The following ANK3 variants were observed in gnomAD, a reference collection of about 807,000 sequenced individuals.
ANK3 encodes the protein ankyrin-3.
A neutral mutation model predicts 370.9 loss-of-function variants in ANK3; 57 were observed. The observed-to-expected ratio is 0.15, with a 90% confidence interval of 0.12 to 0.19. The LOEUF (loss-of-function observed/expected upper bound fraction) is 0.19. ANK3 is among the 10% of genes least tolerant of loss of function. ANK3 has a pLI of 1.00. For synonymous variants in ANK3, 1,929 were observed against 1,946.3 expected, an observed-to-expected ratio of 0.99 and a Z score of 0.23; for missense variants, 4,439 against 5,302.1, an observed-to-expected ratio of 0.84 and a Z score of 5.06.
intron 23 of ANK3, among the ~76,000 whole-genome samples, chr10:60,161,784 GT>G (rs2095507495): frequency 6.6e-6 from 1 of 152,238 alleles, no homozygotes. Flanking sequence ...CAAAAATACA[GT>G]TAGCTAGAAG....
intron 2 of ANK3, among the ~76,000 whole-genome samples, chr10:60,431,030 A>T (rs1265619690): frequency 6.6e-6 from 1 of 152,194 alleles, no homozygotes; most frequent in African/African-American, 2.4e-5. Flanking sequence ...TTTTCCACGG[A>T]CCAGGAGAGG....
At chr10:60,270,745 G>A (rs995669565) in intron 4 of ANK3, among the ~76,000 whole-genome samples, 2 of 152,118 alleles carry the variant, frequency 1.3e-5, no homozygotes, top group African/African-American at 2.4e-5. Context: ...TAGCTTCAAA[G>A]CTTTTCAAAT....
chr10:60,415,791 A>G (rs1172533607), intron 2 of ANK3, among the ~76,000 whole-genome samples: 1 of 152,114 alleles, frequency 6.6e-6, no homozygotes, highest in East Asian at 1.9e-4. Context: ...CTGACAAAAA[A>G]TTTTAATGGG....
chr10:60,080,874 C>T lies in ANK3; in HGVS notation c.4351-256G>A, dbSNP rs533631095. Among the ~76,000 whole-genome samples, 205 of 152,276 alleles carry T rather than the reference C, an allele frequency of 1.3e-3. 1 individual carries two copies. Among genetic ancestry groups the T allele is most frequent in the South Asian group, 4.8e-3 (23 of 4,828 alleles). On this transcript the variant is annotated intron_variant, in intron 35 of 43. Coordinates refer to ENST00000280772, the MANE Select transcript of ANK3 (RefSeq NM_020987.5). ...ACAAGCATTACAGAGACTTCTGATG[C>T]TGAGCATTAAATTTTCCTGGAACTG... is the stretch of plus-strand genomic sequence containing the variant.
chr10:60,477,512 GACAT>G (rs1217816984), intron 2 of ANK3, among the ~76,000 whole-genome samples: 94 of 115,514 alleles, frequency 8.1e-4, no homozygotes, highest in African/African-American at 2.8e-3. Context: ...CAGACAGACA[GACAT>G]ACACACACAC....
chr10:60,475,867 A>G (rs2075050723), intron 2 of ANK3, among the ~76,000 whole-genome samples: 1 of 152,190 alleles, frequency 6.6e-6, no homozygotes, highest in Non-Finnish European at 1.5e-5. Flanking sequence ...AAGATACACC[A>G]AAGACACACA....
intron 2 of ANK3, among the ~76,000 whole-genome samples, chr10:60,576,043 G>A (rs924520935): frequency 2.3e-4 from 35 of 152,102 alleles, no homozygotes; most frequent in African/African-American, 1.4e-4. Context: ...ACTACTTTGC[G>A]GCGGTAATCT....
chr10:60,418,695 CA>C (rs1292432686), intron 2 of ANK3, among the ~76,000 whole-genome samples: 3 of 150,318 alleles, frequency 2.0e-5, no homozygotes, highest in Non-Finnish European at 4.4e-5. Context: ...TCCAATATTG[CA>C]TGGGACATAC....
intron 1 of ANK3, among the ~76,000 whole-genome samples, chr10:60,383,027 G>C (rs1008136011): frequency 6.6e-6 from 1 of 151,776 alleles, no homozygotes; most frequent in Non-Finnish European, 1.5e-5. Context: ...AATTCACCCT[G>C]GATGTCCATT....
chr10:60,147,112 T>C (rs1266083515), intron 23 of ANK3, among the ~76,000 whole-genome samples: 1 of 152,186 alleles, frequency 6.6e-6, no homozygotes, highest in Non-Finnish European at 1.5e-5. Flanking sequence ...TGAGAGGTGA[T>C]AAAAAGCACG....
At position 60,339,113 on chromosome 10, in the gene ANK3, T is replaced by A. The variant is rs2053687590; in HGVS notation, c.114+50312A>T. Among the ~76,000 whole-genome samples the A allele has an allele frequency of 2.6e-5, 4 of 152,020 alleles. No homozygotes were observed. In the South Asian group the frequency reaches 8.3e-4, roughly 32 times the overall value. On this transcript the variant is annotated intron_variant, in intron 1 of 43. Coordinates refer to ENST00000280772, the MANE Select transcript of ANK3 (RefSeq NM_020987.5). ...GTGTTTATTTGATAGAAAAAAAAAA[T>A]TCTAGCATGATTAAAAGGTTCAGAC...
At chr10:60,353,749 G>A (rs1464304612) in intron 1 of ANK3, among the ~76,000 whole-genome samples, 1 of 152,182 alleles carries the variant, frequency 6.6e-6, no homozygotes, top group Non-Finnish European at 1.5e-5. Flanking sequence ...GATCACACGG[G>A]CAGTTTTTAG....
At chr10:60,162,244 A>G (rs1319278677) in intron 23 of ANK3, among the ~76,000 whole-genome samples, 1 of 152,164 alleles carries the variant, frequency 6.6e-6, no homozygotes, top group Admixed American at 6.6e-5. Flanking sequence ...AATTGATCAC[A>G]ACCAGTTACA....
chr10:60,171,491 G>A (rs971379629), intron 21 of ANK3, among the ~76,000 whole-genome samples: 1 of 152,196 alleles, frequency 6.6e-6, no homozygotes, highest in Non-Finnish European at 1.5e-5. Flanking sequence ...AAAGGGGACA[G>A]AGCTGATAAT....
intron 42 of ANK3, among the ~76,000 whole-genome samples, chr10:60,054,004 A>T (rs2078627381): frequency 6.6e-6 from 1 of 152,160 alleles, no homozygotes; most frequent in Non-Finnish European, 1.5e-5. Context: ...ATGGTAAATT[A>T]TTTTCCATTA....
chr10:60,673,808 C>T (rs550939657), intron 1 of ANK3, among the ~76,000 whole-genome samples: 5 of 152,280 alleles, frequency 3.3e-5, no homozygotes, highest in African/African-American at 1.2e-4. Flanking sequence ...TCTCTCTTCC[C>T]CTAATGTGAC....
At chr10:60,132,272 C>G (rs2094117838) in intron 25 of ANK3, among the ~76,000 whole-genome samples, 1 of 152,060 alleles carries the variant, frequency 6.6e-6, no homozygotes, top group African/African-American at 2.4e-5. Flanking sequence ...TGGCTGTGTC[C>G]CCATCCAAAT....
In ANK3 at chr10:60,027,306, T is replaced by TG. The variant is rs2072453472; in HGVS notation, c.*2539_*2540insC. 6.7e-6 allele frequency: 1 copy of TG among 148,924 alleles called. No individual in the cohort carries two copies. The allele number at this position is 148,924 out of a possible 1,614,324, so 9.2% of individuals were successfully genotyped here. A position where few individuals can be genotyped will look rare whatever the true frequency, so the allele number is the denominator to read the frequency against. On this transcript the variant is annotated 3_prime_UTR_variant, in exon 44 of 44. Transcript: ENST00000280772. Reference sequence around the variant, plus strand: ...GGAAAGTTTTTTTTTTTTTTTTTTTTTAAAAAAAAAACCTCTCAAGGGTCT... The same window carrying TG: ...GGAAAGTTTTTTTTTTTTTTTTTTTTGTAAAAAAAAAACCTCTCAAGGGTCT...
At chr10:60,534,589 A>G (rs1002447998) in intron 2 of ANK3, among the ~76,000 whole-genome samples, 3 of 152,144 alleles carry the variant, frequency 2.0e-5, no homozygotes, top group Admixed American at 6.6e-5. Context: ...AGGGCAGGGC[A>G]TGAAGTCTGC....
Sources: gnomAD v4.1 joint callset for allele counts (sites outside exome capture counted in the v4.1 genomes callset) on GRCh38, gnomAD v4.1.1 for gene constraint, MANE v1.5 for transcripts, NCBI Gene and HGNC (gene_info 2026-07-23, HGNC 2026-07-21) for gene names.